NRXN3: variants seen among roughly 807,000 people sequenced by gnomAD.
The protein encoded by NRXN3 is neurexin III.
A neutral mutation model predicts 137.6 loss-of-function variants in NRXN3; 32 were observed. That is an observed-to-expected ratio of 0.23 (90% confidence interval 0.18 to 0.31). The LOEUF (loss-of-function observed/expected upper bound fraction) is 0.31. Among genes scored for constraint, NRXN3 ranks in the 10% least tolerant of loss-of-function variants. The pLI, the probability that NRXN3 is intolerant of heterozygous loss-of-function variation, is 1.00. For missense variants in NRXN3, 1,574 were observed against 2,062.5 expected (o/e 0.76, Z 4.59); for synonymous variants, 798 against 784.5 (o/e 1.02, Z -0.29).
At chr14:79,604,277 G>A (rs1180917756) in intron 16 of NRXN3, among the ~76,000 whole-genome samples, 1 of 151,714 alleles carries the variant, frequency 6.6e-6, no homozygotes, top group African/African-American at 2.4e-5. Flanking sequence ...CTCTGTCACC[G>A]AGGCTGGAGT....
chr14:78,779,590 C>G (rs2098761319), intron 8 of NRXN3, among the ~76,000 whole-genome samples: 1 of 151,998 alleles, frequency 6.6e-6, no homozygotes, highest in Non-Finnish European at 1.5e-5. Flanking sequence ...TATTGGCAGA[C>G]TATTAGAATT....
intron 16 of NRXN3, among the ~76,000 whole-genome samples, chr14:79,642,488 A>G (rs969563482): frequency 7.4e-6 from 1 of 134,958 alleles, no homozygotes; most frequent in African/African-American, 2.5e-5. Context: ...TTCCTCCAAT[A>G]CATCATATCA....
chr14:79,408,534 T>C (rs1277213267), intron 15 of NRXN3, among the ~76,000 whole-genome samples: 1 of 152,160 alleles, frequency 6.6e-6, no homozygotes, highest in Non-Finnish European at 1.5e-5. Context: ...TTTCTGATTA[T>C]TATTCTGTAT....
chr14:78,738,108 A>G (rs891942684), intron 8 of NRXN3, among the ~76,000 whole-genome samples: 11 of 152,338 alleles, frequency 7.2e-5, no homozygotes, highest in Middle Eastern at 3.4e-3. Context: ...AGCAACTGCA[A>G]CTACAACACA....
chr14:79,228,619 T>C (rs1256165124), intron 15 of NRXN3, among the ~76,000 whole-genome samples: 1 of 152,170 alleles, frequency 6.6e-6, no homozygotes, highest in African/African-American at 2.4e-5. Flanking sequence ...TTTGAGTTCT[T>C]TCTCCGTATA....
intron 14 of NRXN3, among the ~76,000 whole-genome samples, chr14:78,980,899 T>G (rs2099487658): frequency 6.6e-6 from 1 of 152,198 alleles, no homozygotes; most frequent in Non-Finnish European, 1.5e-5. Context: ...ACTATTTTCG[T>G]GAGAGTTATT....
chr14:78,419,295 G>A lies in NRXN3; in HGVS notation c.757+121435G>A, dbSNP rs147948413. On this transcript the variant is annotated intron_variant, in intron 4 of 20. Coordinates refer to ENST00000335750, the MANE Select transcript of NRXN3 (RefSeq NM_001330195.2). ...ACTCTGTCACCCAGGCTGGAGTACA[G>A]TGGTGTGATCTTGGCTCACTACAAC... Among the ~76,000 whole-genome samples, 547 of 152,202 alleles carry A rather than the reference G, an allele frequency of 3.6e-3. 20 individuals are homozygous for A. In the East Asian group the frequency reaches 0.065, roughly 18 times the overall value.
At chr14:78,437,343 T>C (rs2153692967) in intron 4 of NRXN3, among the ~76,000 whole-genome samples, 1 of 144,942 alleles carries the variant, frequency 6.9e-6, no homozygotes, top group East Asian at 2.0e-4. Context: ...TTTCTTTTCT[T>C]TTTCTTTTTT....
chr14:79,535,199 A>G (rs1413348378), intron 16 of NRXN3, among the ~76,000 whole-genome samples: 1 of 152,202 alleles, frequency 6.6e-6, no homozygotes, highest in Non-Finnish European at 1.5e-5. Context: ...GGAAAGAATT[A>G]TGAAATAAAA....
chr14:78,381,447 G>A (rs1265044957), intron 4 of NRXN3, among the ~76,000 whole-genome samples: 1 of 152,192 alleles, frequency 6.6e-6, no homozygotes, highest in Non-Finnish European at 1.5e-5. Context: ...AAAAGCTGTA[G>A]TGAAACTGGA....
chr14:79,132,672 T>C (rs2057708085), intron 15 of NRXN3, among the ~76,000 whole-genome samples: 1 of 152,228 alleles, frequency 6.6e-6, no homozygotes, highest in African/African-American at 2.4e-5. Flanking sequence ...GTCTTCATCA[T>C]ATTAATAATA....
At chr14:78,390,168 C>G (rs947786166) in intron 4 of NRXN3, among the ~76,000 whole-genome samples, 4 of 152,160 alleles carry the variant, frequency 2.6e-5, no homozygotes, top group African/African-American at 9.6e-5. Flanking sequence ...TTTATGCATA[C>G]TATTTTAAAA....
At chr14:78,948,767 A>G (rs1372519976) in intron 10 of NRXN3, among the ~76,000 whole-genome samples, 1 of 151,732 alleles carries the variant, frequency 6.6e-6, no homozygotes, top group African/African-American at 2.4e-5. Context: ...CTGTTTCATA[A>G]TTAGCAATAG....
At chr14:79,028,317 C>T (rs529410855) in intron 15 of NRXN3, among the ~76,000 whole-genome samples, 11 of 152,228 alleles carry the variant, frequency 7.2e-5, no homozygotes, top group African/African-American at 1.9e-4. Context: ...ACCATTACAG[C>T]GCTAAGTGGT....
chr14:78,953,504 GATAGCTTGTGTGAGC>G (rs1393266690), intron 10 of NRXN3, among the ~76,000 whole-genome samples: 2 of 152,180 alleles, frequency 1.3e-5, no homozygotes, highest in African/African-American at 4.8e-5. Context: ...TTTCAATGAG[GATAGCTTGTGTGAGC>G]ATTTGGGTGG....
intron 15 of NRXN3, among the ~76,000 whole-genome samples, chr14:79,213,213 A>C (rs186395779): frequency 1.5e-3 from 229 of 152,282 alleles, no homozygotes; most frequent in Admixed American, 2.4e-3. Flanking sequence ...TGAGTGGTAA[A>C]GGTGTATGCC....
intron 16 of NRXN3, among the ~76,000 whole-genome samples, chr14:79,508,137 G>C (rs1310659594): frequency 2.0e-5 from 3 of 152,036 alleles, no homozygotes; most frequent in African/African-American, 7.2e-5. Flanking sequence ...CTACAGTCCA[G>C]ATTCGTAATC....
chr14:79,240,278 A>G (rs913400281), intron 15 of NRXN3, among the ~76,000 whole-genome samples: 1 of 152,024 alleles, frequency 6.6e-6, no homozygotes. Flanking sequence ...CCATATGCAA[A>G]TGTATTCCTT....
intron 15 of NRXN3, among the ~76,000 whole-genome samples, chr14:79,440,566 A>G (rs140654007): frequency 6.6e-6 from 1 of 152,244 alleles, no homozygotes; most frequent in Non-Finnish European, 1.5e-5. Flanking sequence ...ATTGATCCCC[A>G]TAGTATATTT....
Sources: gnomAD v4.1 joint callset for allele counts (sites outside exome capture counted in the v4.1 genomes callset) on GRCh38, gnomAD v4.1.1 for gene constraint, MANE v1.5 for transcripts, NCBI Gene and HGNC (gene_info 2026-07-23, HGNC 2026-07-21) for gene names.